ABCD3: variants seen among roughly 807,000 people sequenced by gnomAD.
The protein encoded by ABCD3 is ATP-binding cassette sub-family D member 3.
ABCD3 carries 41 observed loss-of-function variants against 105.5 expected under a neutral mutation model. The observed-to-expected ratio is 0.39, with a 90% confidence interval of 0.30 to 0.50. The LOEUF (loss-of-function observed/expected upper bound fraction) is 0.50, where lower values mean the gene tolerates loss of function less well. Ranked by LOEUF, ABCD3 falls within the 20% of genes least tolerant of loss-of-function variation. The probability of loss-of-function intolerance (pLI) is 0.84; values close to 1 mark genes in which losing one functional copy is unlikely to be tolerated. For synonymous variants in ABCD3, 258 were observed against 269.0 expected (o/e 0.96, Z 0.40); for missense variants, 622 against 806.3 (o/e 0.77, Z 2.77).
the ABCD3 span, among the ~76,000 whole-genome samples, chr1:94,411,329 C>A: frequency 6.6e-3 from 998 of 152,198 alleles, 6 homozygotes; most frequent in Non-Finnish European, 0.01. Flanking sequence ...ATTGAATAGA[C>A]ATTTCTCCAA....
At chr1:94,405,446 G>C in the ABCD3 span, among the ~76,000 whole-genome samples, 1 of 151,972 alleles carries the variant, frequency 6.6e-6, no homozygotes, top group East Asian at 1.9e-4. Flanking sequence ...GAGTAGCTGG[G>C]GTTACAGGCA....
chr1:94,499,848 A>G (rs1252766850), intron 20 of ABCD3, among the ~76,000 whole-genome samples: 1 of 152,210 alleles, frequency 6.6e-6, no homozygotes, highest in Non-Finnish European at 1.5e-5. Context: ...AGATCCGACT[A>G]TATACCAATA....
chr1:94,407,515 A>G, the ABCD3 span, among the ~76,000 whole-genome samples: 1 of 152,232 alleles, frequency 6.6e-6, no homozygotes, highest in Admixed American at 6.5e-5. Context: ...GGTTTTGCAC[A>G]TTTCTTGTAA....
upstream of ABCD3, among the ~76,000 whole-genome samples, chr1:94,417,779 C>A (rs1010196883): frequency 6.6e-6 from 1 of 152,218 alleles, no homozygotes; most frequent in Non-Finnish European, 1.5e-5. Context: ...TTATTAAAAA[C>A]GGAGGGTGAT....
At chr1:94,428,294 A>G (rs1659546767) in intron 1 of ABCD3, among the ~76,000 whole-genome samples, 1 of 152,146 alleles carries the variant, frequency 6.6e-6, no homozygotes. Flanking sequence ...TGGTACTATA[A>G]TAATTGACAT....
At chr1:94,472,648 GA>G (rs1240253661) in intron 4 of ABCD3, among the ~76,000 whole-genome samples, 1 of 152,058 alleles carries the variant, frequency 6.6e-6, no homozygotes, top group Non-Finnish European at 1.5e-5. Flanking sequence ...AAAGCTTTGA[GA>G]AGGTCTTTGG....
At chr1:94,415,804 AC>A (rs1487307806), upstream of ABCD3, among the ~76,000 whole-genome samples, 6 of 152,160 alleles carry the variant, frequency 3.9e-5, no homozygotes, top group African/African-American at 1.4e-4. Flanking sequence ...TTTAGATTTT[AC>A]CTAAACTCCT....
chr1:94,514,996 A>G (rs530814054), intron 21 of ABCD3, 150 bp from the exon 22 acceptor site: 33 of 650,160 alleles, frequency 5.1e-5, no homozygotes, highest in East Asian at 8.2e-5. Flanking sequence ...TGCTATAAAC[A>G]TTTTGCATCC....
At chr1:94,393,526 C>G in the ABCD3 span, among the ~76,000 whole-genome samples, 117 of 152,118 alleles carry the variant, frequency 7.7e-4, no homozygotes, top group African/African-American at 2.7e-3. Flanking sequence ...GTAATCTCAG[C>G]TACCTGGGAG....
chr1:94,445,911 TGTGATGGTATC>T (rs1432954589), intron 1 of ABCD3, among the ~76,000 whole-genome samples: 1 of 152,168 alleles, frequency 6.6e-6, no homozygotes, highest in African/African-American at 2.4e-5. Flanking sequence ...TATCAAGGCC[TGTGATGGTATC>T]GTAGGTAATC....
chr1:94,399,031 T>C, the ABCD3 span, among the ~76,000 whole-genome samples: 1 of 152,328 alleles, frequency 6.6e-6, no homozygotes, highest in South Asian at 2.1e-4. Context: ...CATTTCACTC[T>C]TCGGTAGTAT....
the ABCD3 span, among the ~76,000 whole-genome samples, chr1:94,401,974 C>T: frequency 3.7e-3 from 557 of 152,282 alleles, 3 homozygotes; most frequent in African/African-American, 0.013. Flanking sequence ...GATTTTACCC[C>T]GCTCCCACAT....
chr1:94,517,433 G>A lies in ABCD3; in HGVS notation c.*304G>A, dbSNP rs1650970684. ...ATCACTGTAACCTGATTCATCCTGG[G>A]ATGTAAACCATTCGAAGTCAGCTAA... On this transcript the variant is annotated 3_prime_UTR_variant, in exon 23 of 23. Transcript: ENST00000370214. 3.1e-6 allele frequency: 1 copy of A among 317,864 alleles called. No individual in the cohort carries two copies. The highest frequency in any genetic ancestry group is 6.0e-6 in the Non-Finnish European group (1 of 166,434). The allele number at this position is 317,864 out of a possible 1,614,324, so 19.7% of individuals were successfully genotyped here. A position where few individuals can be genotyped will look rare whatever the true frequency, so the allele number is the denominator to read the frequency against.
At chr1:94,396,157 C>T in the ABCD3 span, among the ~76,000 whole-genome samples, 2 of 152,128 alleles carry the variant, frequency 1.3e-5, no homozygotes, top group African/African-American at 4.8e-5. Flanking sequence ...CCAATAGAAC[C>T]CCAGATTCCA....
intron 1 of ABCD3, among the ~76,000 whole-genome samples, chr1:94,446,757 C>G (rs1405455702): frequency 2.0e-5 from 3 of 152,182 alleles, no homozygotes; most frequent in Non-Finnish European, 4.4e-5. Flanking sequence ...CCAATTCAAC[C>G]TGTTCAATTT....
intron 16 of ABCD3, among the ~76,000 whole-genome samples, chr1:94,492,826 T>G (rs1649598579): frequency 6.6e-6 from 1 of 152,182 alleles, no homozygotes; most frequent in Admixed American, 6.5e-5. Context: ...ATACTTAGAA[T>G]AGATGGATCA....
intron 1 of ABCD3, among the ~76,000 whole-genome samples, chr1:94,443,999 A>G (rs1254634813): frequency 2.0e-5 from 3 of 151,766 alleles, no homozygotes; most frequent in Non-Finnish European, 2.9e-5. Context: ...GTTTTCTCTC[A>G]TGTCTTTTTT....
chr1:94,395,879 CAG>C, the ABCD3 span, among the ~76,000 whole-genome samples: 4 of 151,732 alleles, frequency 2.6e-5, no homozygotes, highest in African/African-American at 7.3e-5. Context: ...GAGAGACAGA[CAG>C]AAAGAGAGAG....
At chr1:94,447,915 G>T (rs1660420083) in intron 1 of ABCD3, among the ~76,000 whole-genome samples, 1 of 152,200 alleles carries the variant, frequency 6.6e-6, no homozygotes, top group Admixed American at 6.5e-5. Flanking sequence ...TCCTACCTAT[G>T]CCATGAGTAA....
Sources: allele counts gnomAD v4.1 joint callset (sites outside exome capture counted in the v4.1 genomes callset), GRCh38; gene constraint gnomAD v4.1.1; transcripts MANE v1.5; gene names NCBI Gene and HGNC (gene_info 2026-07-23, HGNC 2026-07-21).